Variants in ITIH5 observed in about 807,000 individuals in gnomAD.
ITIH5 encodes the protein inter-alpha-trypsin inhibitor heavy chain 5, also known as inter-alpha-trypsin inhibitor heavy chain H5.
In ITIH5, 65 loss-of-function variants were observed where a neutral mutation model predicts 77.5. The ratio of observed to expected loss-of-function variants is 0.84; its 90% CI spans 0.69 to 1.03. ITIH5 has a LOEUF of 1.03. ITIH5 is among the 50% of genes least tolerant of loss of function. The pLI, the probability that ITIH5 is intolerant of heterozygous loss-of-function variation, is 0.00. For missense variants in ITIH5, 1,208 were observed against 1,213.1 expected (o/e 1.00, Z 0.06); for synonymous variants, 525 against 494.3 (o/e 1.06, Z -0.82).
In ITIH5 at chr10:7,644,760, A is replaced by T. The variant is rs537857189; in HGVS notation, c.136-2670T>A. Reference sequence around the variant, plus strand: ...ATATCACATATATATCACATATATCACATATATATCATATATATCACATAT... The same window carrying T: ...ATATCACATATATATCACATATATCTCATATATATCATATATATCACATAT... On this transcript the variant is annotated intron_variant, in intron 2 of 13. Transcript: ENST00000397146. 1.1e-4 allele frequency among the ~76,000 whole-genome samples: 15 copies of T among 134,116 alleles called. 2 individuals carry two copies. The highest frequency in any genetic ancestry group is 2.8e-4 in the African/African-American group (9 of 31,602). 88.0% of individuals were successfully genotyped at this position (134,116 alleles called of 152,430 possible). A position where few individuals can be genotyped will look rare whatever the true frequency, so the allele number is the denominator to read the frequency against.
At chr10:7,598,606 C>G (rs990373671) in intron 7 of ITIH5, among the ~76,000 whole-genome samples, 1 of 152,162 alleles carries the variant, frequency 6.6e-6, no homozygotes, top group Non-Finnish European at 1.5e-5. Context: ...AGTCTCCTTT[C>G]AAATGCTCTT....
intron 1 of ITIH5, among the ~76,000 whole-genome samples, chr10:7,660,055 A>T (rs1365722194): frequency 6.6e-6 from 1 of 152,176 alleles, no homozygotes; most frequent in Non-Finnish European, 1.5e-5. Flanking sequence ...GACTTAAGAG[A>T]TGGTGCTACC....
chr10:7,593,938 C>G (rs1057440792), intron 7 of ITIH5, among the ~76,000 whole-genome samples: 1 of 152,246 alleles, frequency 6.6e-6, no homozygotes, highest in Non-Finnish European at 1.5e-5. Context: ...CAGCCAAGAG[C>G]TCTGCCTCCT....
intron 12 of ITIH5, among the ~76,000 whole-genome samples, chr10:7,566,799 AGAG>A (rs1564232502): frequency 0.013 from 179 of 13,614 alleles, 41 homozygotes; most frequent in Admixed American, 0.025. Flanking sequence ...AAGAAGAAGA[AGAG>A]GAAGAGGAAG....
In ITIH5 at chr10:7,576,971, C is replaced by T. The variant is rs112992012; in HGVS notation, c.1460G>A (p.Arg487His). 8.5e-5 allele frequency: 137 copies of T among 1,613,618 alleles called. No individual in the cohort carries two copies. In the African/African-American group the frequency reaches 9.2e-4, roughly 11 times the overall value. ...EIRTPLLSDI[R>H]IDYPPSSVVQ... is the part of the protein sequence containing the mutation. ...CACTGAGCTGGGGGGATAATCGATG[C>T]GGATGTCAGAGAGGAGCGGGGTCCT... is the stretch of plus-strand genomic sequence containing the variant. Residue 487 changes from arginine (R) to histidine (H), a missense_variant, in exon 10 of 14, where the codon CGC becomes CAC. Arg to His is a conservative substitution (Grantham distance 29, BLOSUM62 0). Transcript: ENST00000397146.
At chr10:7,660,304 C>T (rs1235016318) in intron 1 of ITIH5, among the ~76,000 whole-genome samples, 1 of 152,172 alleles carries the variant, frequency 6.6e-6, no homozygotes, top group African/African-American at 2.4e-5. Flanking sequence ...GAAGACAGGG[C>T]TGCAGCTTAG....
chr10:7,624,834 C>CATATAT (rs1833540984), intron 5 of ITIH5, among the ~76,000 whole-genome samples: 1 of 64,624 alleles, frequency 1.5e-5, no homozygotes, highest in African/African-American at 4.7e-5. Context: ...TGTGTATATA[C>CATATAT]ATGTATATAC....
At chr10:7,647,242 T>G (rs77663971) in intron 2 of ITIH5, among the ~76,000 whole-genome samples, 11,386 of 152,278 alleles carry the variant, frequency 0.075, 640 homozygotes, top group Admixed American at 0.19. Context: ...GCCACACTGT[T>G]TGTAAATAAA....
Position 7,586,046 on chromosome 10 carries a change from A to T in ITIH5, c.963T>A (p.Ile321=). ...LRQTKDALFT[I]LHDLRPQDRF... ...GGTCCTGGGGTCGGAGGTCATGGAG[A>T]ATTGTGAAGAGGGCATCCTTGGTCT... Residue 321 remains isoleucine, a synonymous_variant, in exon 8 of 14, where the codon ATT becomes ATA. Transcript: ENST00000397146. 6.2e-7 allele frequency: 1 copy of T among 1,613,548 alleles called. No individual in the cohort carries two copies. The highest frequency in any genetic ancestry group is 8.5e-7 in the Non-Finnish European group (1 of 1,179,820).
At chr10:7,589,009 C>T (rs977798259) in intron 7 of ITIH5, among the ~76,000 whole-genome samples, 12 of 152,250 alleles carry the variant, frequency 7.9e-5, no homozygotes, top group African/African-American at 2.9e-4. Context: ...CGGCTGGAGC[C>T]GAGATGGCTC....
intron 11 of ITIH5, chr10:7,571,966 A>G: frequency 9.1e-6 from 9 of 992,766 alleles, no homozygotes; most frequent in Non-Finnish European, 1.1e-5. Flanking sequence ...GAGAGTTTCT[A>G]TGTGCACATA....
At chr10:7,617,027 C>G in intron 6 of ITIH5, 86 bp downstream of exon 6, 1 of 797,058 alleles carries the variant, frequency 1.3e-6, no homozygotes, top group Non-Finnish European at 1.8e-6. Flanking sequence ...AGTTCTCTCT[C>G]CCTTAGGTAA....
chr10:7,629,112 G>C (rs1833654363), intron 5 of ITIH5, among the ~76,000 whole-genome samples: 1 of 140,344 alleles, frequency 7.1e-6, no homozygotes, highest in African/African-American at 2.5e-5. Context: ...TGTCCATGTT[G>C]TAGAGTGTGT....
At chr10:7,572,489 C>G (rs1047195755) in intron 11 of ITIH5, 1 of 1,277,228 alleles carries the variant, frequency 7.8e-7, no homozygotes, top group Non-Finnish European at 1.0e-6. Context: ...ATAGCAGAGG[C>G]TGGAAGGATG....
intron 9 of ITIH5, 96 bp from the exon 10 acceptor site, chr10:7,577,108 C>T: frequency 9.3e-7 from 1 of 1,079,274 alleles, no homozygotes. Context: ...CAGGGGGATG[C>T]ATCTGATTTT....
chr10:7,624,836 TGTATATACAC>T (rs1833541625), intron 5 of ITIH5, among the ~76,000 whole-genome samples: 1 of 129,758 alleles, frequency 7.7e-6, no homozygotes, highest in African/African-American at 2.9e-5. Flanking sequence ...TGTATATACA[TGTATATACAC>T]ATATATATGT....
chr10:7,642,579 T>C (rs1450279698), intron 2 of ITIH5, among the ~76,000 whole-genome samples: 2 of 152,210 alleles, frequency 1.3e-5, no homozygotes, highest in Non-Finnish European at 2.9e-5. Context: ...AGAGCTTCCC[T>C]ATCTGAATTA....
intron 5 of ITIH5, chr10:7,622,401 G>A (rs575944702): frequency 6.6e-6 from 1 of 152,246 alleles, no homozygotes; most frequent in African/African-American, 2.4e-5. Flanking sequence ...GAGATGTAGT[G>A]AGATCTCATA....
At chr10:7,646,121 T>C (rs9733228) in intron 2 of ITIH5, among the ~76,000 whole-genome samples, 3,029 of 152,318 alleles carry the variant, frequency 0.02, 103 homozygotes, top group African/African-American at 0.07. Flanking sequence ...TGTGATCTTG[T>C]GAATTTGCGA....
Sources: gnomAD v4.1 joint callset for allele counts (sites outside exome capture counted in the v4.1 genomes callset) on GRCh38, gnomAD v4.1.1 for gene constraint, MANE v1.5 for transcripts, NCBI Gene and HGNC (gene_info 2026-07-23, HGNC 2026-07-21) for gene names.